NTRK3: variants seen among roughly 807,000 people sequenced by gnomAD.
NTRK3 encodes NT-3 growth factor receptor.
NTRK3 carries 24 observed loss-of-function variants against 91.7 expected under a neutral mutation model. The ratio of observed to expected loss-of-function variants is 0.26; its 90% CI spans 0.19 to 0.37. The LOEUF (loss-of-function observed/expected upper bound fraction) is 0.37. NTRK3 is among the 10% of genes least tolerant of loss of function. NTRK3 has a pLI of 1.00. For synonymous variants in NTRK3, 483 were observed against 404.0 expected (o/e 1.20, Z -2.34); for missense variants, 880 against 1,068.9 (o/e 0.82, Z 2.46).
chr15:87,911,396 T>C (rs1276862425), intron 17 of NTRK3, among the ~76,000 whole-genome samples: 1 of 152,222 alleles, frequency 6.6e-6, no homozygotes, highest in Non-Finnish European at 1.5e-5. Flanking sequence ...AAAGCAAAAC[T>C]TTGAGATCAT....
chr15:87,954,021 TG>T, intron 14 of NTRK3, among the ~76,000 whole-genome samples: 1 of 131,532 alleles, frequency 7.6e-6, no homozygotes, highest in Non-Finnish European at 1.6e-5. Flanking sequence ...TGTGTGTGTG[TG>T]TGTGTGTGTG....
rs145393768 is a variant in NTRK3 at position 88,031,057 on chromosome 15, G to A, written c.1585+1800C>T. On this transcript the variant is annotated intron_variant, in intron 14 of 18. Coordinates refer to ENST00000394480, the Ensembl canonical transcript of NTRK3. ...ACATGTGTTAGATAAGCTTTGCTCA[G>A]GAAGAGTGACAGTGGCCATGGCCAT... 2.1e-3 allele frequency among the ~76,000 whole-genome samples: 324 copies of A among 152,274 alleles called. 2 individuals carry two copies. The highest frequency in any genetic ancestry group is 7.1e-3 in the African/African-American group (295 of 41,552).
chr15:88,089,017 G>A (rs928549951), intron 13 of NTRK3, among the ~76,000 whole-genome samples: 1 of 152,090 alleles, frequency 6.6e-6, no homozygotes, highest in African/African-American at 2.4e-5. Context: ...ATTAAAGAAA[G>A]CTGACTAGTT....
chr15:88,132,320 G>A (rs1206332307), intron 10 of NTRK3, among the ~76,000 whole-genome samples: 1 of 152,214 alleles, frequency 6.6e-6, no homozygotes, highest in East Asian at 1.9e-4. Flanking sequence ...GCACTGCTAT[G>A]CACTTGGCAG....
At chr15:88,227,070 T>C (rs144661546) in intron 3 of NTRK3, among the ~76,000 whole-genome samples, 2 of 152,322 alleles carry the variant, frequency 1.3e-5, no homozygotes, top group Non-Finnish European at 2.9e-5. Context: ...TGAGGCTCTG[T>C]GGACAGAGAT....
At chr15:88,227,008 T>G (rs1198981658) in intron 3 of NTRK3, among the ~76,000 whole-genome samples, 1 of 152,190 alleles carries the variant, frequency 6.6e-6, no homozygotes, top group African/African-American at 2.4e-5. Context: ...TTCCCTCCTT[T>G]TACAGAGATA....
intron 13 of NTRK3, among the ~76,000 whole-genome samples, chr15:88,093,801 C>G (rs893236812): frequency 6.6e-6 from 1 of 151,998 alleles, no homozygotes; most frequent in Non-Finnish European, 1.5e-5. Flanking sequence ...TTGTAACACT[C>G]TCTGTGGGCC....
chr15:87,941,833 G>A (rs147296978), intron 14 of NTRK3, among the ~76,000 whole-genome samples: 108 of 152,330 alleles, frequency 7.1e-4, no homozygotes, highest in African/African-American at 2.1e-3. Context: ...CAAGCAGTGG[G>A]CTGGCGATGA....
chr15:88,090,015 T>C (rs906527696), intron 13 of NTRK3, among the ~76,000 whole-genome samples: 1 of 152,156 alleles, frequency 6.6e-6, no homozygotes, highest in African/African-American at 2.4e-5. Context: ...GCCAGCACAG[T>C]TCCATCTCAG....
chr15:88,250,894 C>CA (rs566246758), intron 3 of NTRK3, among the ~76,000 whole-genome samples: 1 of 152,224 alleles, frequency 6.6e-6, no homozygotes, highest in Non-Finnish European at 1.5e-5. Flanking sequence ...CTTTTCTAGG[C>CA]AAAAATAATT....
intron 5 of NTRK3, among the ~76,000 whole-genome samples, chr15:88,178,986 T>C (rs2046237881): frequency 6.6e-6 from 1 of 152,224 alleles, no homozygotes; most frequent in African/African-American, 2.4e-5. Context: ...TCAAAGGATT[T>C]AGAGTCCACA....
At chr15:88,109,271 A>G (rs577207085) in intron 13 of NTRK3, among the ~76,000 whole-genome samples, 1 of 152,266 alleles carries the variant, frequency 6.6e-6, no homozygotes, top group African/African-American at 2.4e-5. Flanking sequence ...AGGGTGGGGA[A>G]AATTGGGGCG....
intron 14 of NTRK3, among the ~76,000 whole-genome samples, chr15:87,979,747 G>A (rs182186982): frequency 1.3e-5 from 2 of 152,250 alleles, no homozygotes; most frequent in East Asian, 1.9e-4. Flanking sequence ...AGGAGGAGAG[G>A]TCTCATCTAA....
intron 13 of NTRK3, among the ~76,000 whole-genome samples, chr15:88,114,540 T>C (rs1020399035): frequency 9.9e-5 from 15 of 152,214 alleles, no homozygotes; most frequent in Non-Finnish European, 2.9e-5. Context: ...GGTATGCAAC[T>C]ATAAAAATAG....
At chr15:88,132,707 G>C (rs1300945599) in intron 10 of NTRK3, among the ~76,000 whole-genome samples, 1 of 152,184 alleles carries the variant, frequency 6.6e-6, no homozygotes, top group African/African-American at 2.4e-5. Flanking sequence ...AGAGGGCTAT[G>C]ACTCATCTCT....
chr15:88,105,008 C>T (rs913486930), intron 13 of NTRK3, among the ~76,000 whole-genome samples: 4 of 152,290 alleles, frequency 2.6e-5, no homozygotes, highest in African/African-American at 9.6e-5. Flanking sequence ...TAGTCCTGAC[C>T]CTCTTCATGG....
At chr15:88,024,874 A>C (rs991582804) in intron 14 of NTRK3, among the ~76,000 whole-genome samples, 1 of 152,270 alleles carries the variant, frequency 6.6e-6, no homozygotes, top group Non-Finnish European at 1.5e-5. Flanking sequence ...TGGTACCAAG[A>C]GGTGCCAGTC....
At chr15:88,075,801 G>A (rs1203856169) in intron 13 of NTRK3, among the ~76,000 whole-genome samples, 2 of 152,196 alleles carry the variant, frequency 1.3e-5, no homozygotes, top group Admixed American at 1.3e-4. Context: ...GGCAGGGGGT[G>A]TCACATGAGA....
In NTRK3 at chr15:88,255,826, G is replaced by A; in HGVS notation, c.248+80C>T. 1.3e-5 allele frequency: 17 copies of A among 1,307,162 alleles called. No homozygotes were observed. The highest frequency in any genetic ancestry group is 1.7e-5 in the Non-Finnish European group (17 of 994,836). The allele number at this position is 1,307,162 out of a possible 1,614,324, so 81.0% of individuals were successfully genotyped here. On this transcript the variant is annotated intron_variant, in intron 3 of 18. Transcript: ENST00000394480. The surrounding 1 kb of genome is among the most constrained non-coding windows in gnomAD (Gnocchi z 4.3). ...AGCGGCGAGCTGGGGCGGGCGGAGG[G>A]CCGGCTCCCGGCCGCGGGTGGGCAG...
Sources: allele counts gnomAD v4.1 joint callset (sites outside exome capture counted in the v4.1 genomes callset), GRCh38; gene constraint gnomAD v4.1.1; non-coding constraint Gnocchi (gnomAD v3.1); transcripts MANE v1.5; gene names NCBI Gene and HGNC (gene_info 2026-07-23, HGNC 2026-07-21).